Variants in BCAS3 observed in about 807,000 individuals in gnomAD.
BCAS3 encodes BCAS3 microtubule associated cell migration factor.
Under a neutral mutation model 116.1 loss-of-function variants are expected in BCAS3, and 53 were observed. That is an observed-to-expected ratio of 0.46 (90% confidence interval 0.37 to 0.57). The LOEUF is 0.57. BCAS3 is among the 20% of genes least tolerant of loss of function. BCAS3 has a pLI of 0.00. For missense variants in BCAS3, 917 were observed against 1,165.4 expected, an observed-to-expected ratio of 0.79 and a Z score of 3.10; for synonymous variants, 391 against 408.2, an observed-to-expected ratio of 0.96 and a Z score of 0.51.
At chr17:60,873,199 C>G (rs1204203436) in intron 8 of BCAS3, among the ~76,000 whole-genome samples, 5 of 151,870 alleles carry the variant, frequency 3.3e-5, no homozygotes, top group Admixed American at 3.3e-4. Flanking sequence ...CAAATTATCA[C>G]TTATTAGTAA....
chr17:61,164,590 A>G (rs1015512269), intron 22 of BCAS3, among the ~76,000 whole-genome samples: 3 of 152,192 alleles, frequency 2.0e-5, no homozygotes, highest in Non-Finnish European at 4.4e-5. Flanking sequence ...TGGGCTGGTT[A>G]TCGCAGAGTG....
chr17:60,886,273 C>T (rs1361335948), intron 9 of BCAS3: 4 of 137,184 alleles, frequency 2.9e-5, no homozygotes, highest in African/African-American at 8.3e-5. Context: ...ACGTAGTTCT[C>T]GAGCCTTGGT....
intron 22 of BCAS3, among the ~76,000 whole-genome samples, chr17:61,216,458 G>A (rs995897762): frequency 2.6e-5 from 4 of 152,140 alleles, no homozygotes; most frequent in East Asian, 1.9e-4. Flanking sequence ...AAATTGAAAC[G>A]TGTAGGATTA....
At chr17:60,980,292 A>G (rs2145394921) in intron 14 of BCAS3, among the ~76,000 whole-genome samples, 1 of 152,282 alleles carries the variant, frequency 6.6e-6, no homozygotes, top group South Asian at 2.1e-4. Flanking sequence ...CATCCTCACC[A>G]AAACTTATCA....
chr17:61,329,944 A>G (rs1473216097), intron 22 of BCAS3, among the ~76,000 whole-genome samples: 1 of 152,176 alleles, frequency 6.6e-6, no homozygotes, highest in African/African-American at 2.4e-5. Context: ...TCCTTTTAGC[A>G]GACACTGTTA....
intron 22 of BCAS3, among the ~76,000 whole-genome samples, chr17:61,160,972 A>G (rs555434829): frequency 6.6e-6 from 1 of 152,254 alleles, no homozygotes; most frequent in East Asian, 1.9e-4. Context: ...TTGTATTTCC[A>G]CTGACTTTGA....
Position 61,263,962 on chromosome 17 carries a change from G to A in BCAS3, c.2426-104365G>A, listed in dbSNP as rs575197594. On this transcript the variant is annotated intron_variant, in intron 22 of 23. Coordinates refer to ENST00000407086, the MANE Select transcript of BCAS3 (RefSeq NM_017679.5). The stretch of plus-strand genomic sequence containing the variant: ...CTGACCATGCATGTTGGCAAGGGTT[G>A]GATACTCATACACTGTTGGTAGAAG... Among the ~76,000 whole-genome samples, 8 of 152,238 alleles carry A rather than the reference G, an allele frequency of 5.3e-5. No individual in the cohort carries two copies. In the South Asian group the frequency reaches 1.7e-3, roughly 32 times the overall value.
At chr17:60,792,526 G>T (rs1281711988) in intron 6 of BCAS3, among the ~76,000 whole-genome samples, 1 of 152,226 alleles carries the variant, frequency 6.6e-6, no homozygotes, top group Admixed American at 6.5e-5. Context: ...CAGTGCTACT[G>T]GCCACAGAGG....
rs2053102059 is a variant in BCAS3 at position 61,298,135 on chromosome 17, T to C, written c.2426-70192T>C. On this transcript the variant is annotated intron_variant, in intron 22 of 23. Coordinates refer to ENST00000407086, the MANE Select transcript of BCAS3 (RefSeq NM_017679.5). Reference sequence around the variant, plus strand: ...ATGATCCTTCTATATTTGTGTTCATTACTGGTTTGAAAAGGCCACGAGTCT... The same window carrying C: ...ATGATCCTTCTATATTTGTGTTCATCACTGGTTTGAAAAGGCCACGAGTCT... 2.6e-5 allele frequency among the ~76,000 whole-genome samples: 4 copies of C among 152,180 alleles called. No individual in the cohort carries two copies. In the South Asian group the frequency reaches 8.3e-4, roughly 32 times the overall value.
At chr17:60,892,905 A>G (rs2057271574) in intron 10 of BCAS3, among the ~76,000 whole-genome samples, 1 of 152,106 alleles carries the variant, frequency 6.6e-6, no homozygotes, top group Admixed American at 6.5e-5. Context: ...CTGGCCAACA[A>G]GAATGAAACT....
intron 22 of BCAS3, among the ~76,000 whole-genome samples, chr17:61,109,189 A>T (rs56320789): frequency 3.1e-4 from 47 of 150,188 alleles, no homozygotes; most frequent in African/African-American, 1.2e-3. Context: ...TGTCTCAAAA[A>T]AAAAAAAAAA....
rs545558871 is a variant in BCAS3, at chr17:61,013,732, A to G, written c.1487-2019A>G. On this transcript the variant is annotated intron_variant, in intron 15 of 23. Transcript: ENST00000407086. The surrounding 1 kb of genome is among the most constrained non-coding windows in gnomAD (Gnocchi z 4.4). Reference sequence around the variant, plus strand: ...TTGCATGAATTTCTTATCTTTCCCCATATTTTACAAAAGAGACATTTATCA... The same window carrying G: ...TTGCATGAATTTCTTATCTTTCCCCGTATTTTACAAAAGAGACATTTATCA... Among the ~76,000 whole-genome samples the G allele has an allele frequency of 6.6e-6, 1 of 152,230 alleles. No individual in the cohort carries two copies. The highest frequency in any genetic ancestry group is 1.9e-4 in the East Asian group (1 of 5,184).
At chr17:61,322,808 GAGAGAGAGAGAGAGAGAGAGAC>G (rs2055356246) in intron 22 of BCAS3, among the ~76,000 whole-genome samples, 177 of 128,976 alleles carry the variant, frequency 1.4e-3, no homozygotes, top group Middle Eastern at 8.4e-3. Context: ...GAGAGAGAGA[GAGAGAGAGAGAGAGAGAGAGAC>G]AGAGAGAGAG....
chr17:60,945,455 G>A (rs1256478657), intron 13 of BCAS3, among the ~76,000 whole-genome samples: 1 of 152,136 alleles, frequency 6.6e-6, no homozygotes, highest in African/African-American at 2.4e-5. Flanking sequence ...CCAAGAATGT[G>A]GTATTAGTGA....
At chr17:60,814,875 A>G (rs2049222707) in intron 7 of BCAS3, among the ~76,000 whole-genome samples, 1 of 152,174 alleles carries the variant, frequency 6.6e-6, no homozygotes, top group African/African-American at 2.4e-5. Context: ...CTATTATTTA[A>G]AAGTCCTGTG....
At position 60,990,517 on chromosome 17, in the gene BCAS3, A is replaced by G. The variant is rs1430497307; in HGVS notation, c.1486+282A>G. 6.6e-6 allele frequency among the ~76,000 whole-genome samples: 1 copy of G among 152,168 alleles called. No homozygotes were observed. The highest frequency in any genetic ancestry group is 1.5e-5 in the Non-Finnish European group (1 of 68,034). On this transcript the variant is annotated intron_variant, in intron 15 of 23. Transcript: ENST00000407086. This position sits in a 1 kb window ranked among gnomAD's most constrained non-coding sequence, Gnocchi z 5.1. Reference sequence around the variant, plus strand: ...TGGAACTATTTTTATAACTTCAGAGAACTGAACATCCTTTTTACTTATCTC... The same window carrying G: ...TGGAACTATTTTTATAACTTCAGAGGACTGAACATCCTTTTTACTTATCTC...
Position 61,063,141 on chromosome 17 carries a change from C to T in BCAS3, c.2030-11779C>T, listed in dbSNP as rs1394617383. Among the ~76,000 whole-genome samples the T allele has an allele frequency of 6.6e-6, 1 of 152,212 alleles. No individual in the cohort carries two copies. Among genetic ancestry groups the T allele is most frequent in the Non-Finnish European group, 1.5e-5 (1 of 68,032 alleles). On this transcript the variant is annotated intron_variant, in intron 19 of 23. Coordinates refer to ENST00000407086, the MANE Select transcript of BCAS3 (RefSeq NM_017679.5). The surrounding 1 kb of genome is among the most constrained non-coding windows in gnomAD (Gnocchi z 5.3). ...AAAAACTGTTGCCGTGACCTTTGCT[C>T]TTGCCCACTTTTGCTTTGACTGCAC... is the stretch of plus-strand genomic sequence containing the variant.
At chr17:60,808,842 G>T (rs1308741441) in intron 7 of BCAS3, among the ~76,000 whole-genome samples, 2 of 152,164 alleles carry the variant, frequency 1.3e-5, no homozygotes, top group Non-Finnish European at 2.9e-5. Context: ...CAGTGTGCAT[G>T]AATTAATGAG....
rs2076835966 is a variant in BCAS3, at chr17:61,140,032, T to C, written c.2425+55468T>C. Reference sequence around the variant, plus strand: ...GGATAGATCACTTGAGGTCAGGAGTTCGAGGTCAGACTGGCCAATATAGTG... The same window carrying C: ...GGATAGATCACTTGAGGTCAGGAGTCCGAGGTCAGACTGGCCAATATAGTG... On this transcript the variant is annotated intron_variant, in intron 22 of 23. Transcript: ENST00000407086. This position sits in a 1 kb window ranked among gnomAD's most constrained non-coding sequence, Gnocchi z 4.2. Among the ~76,000 whole-genome samples the C allele has an allele frequency of 6.6e-6, 1 of 152,092 alleles. No individual in the cohort carries two copies. The highest frequency in any genetic ancestry group is 1.5e-5 in the Non-Finnish European group (1 of 68,014).
Sources: allele counts gnomAD v4.1 joint callset (sites outside exome capture counted in the v4.1 genomes callset), GRCh38; gene constraint gnomAD v4.1.1; non-coding constraint Gnocchi (gnomAD v3.1); transcripts MANE v1.5; gene names NCBI Gene and HGNC (gene_info 2026-07-23, HGNC 2026-07-21).